Variants in FGB observed in about 807,000 individuals in gnomAD.
The protein encoded by FGB is beta-fibrinogen.
A neutral mutation model predicts 57.9 loss-of-function variants in FGB; 25 were observed. The ratio of observed to expected loss-of-function variants is 0.43; its 90% CI spans 0.31 to 0.60. The LOEUF (loss-of-function observed/expected upper bound fraction) is 0.60, where lower values mean the gene tolerates loss of function less well. Among genes scored for constraint, FGB ranks in the 20% least tolerant of loss-of-function variants. The pLI is 0.08. For missense variants in FGB, 536 were observed against 598.4 expected (o/e 0.90, Z 1.09); for synonymous variants, 203 against 199.2 (o/e 1.02, Z -0.16).
At chr4:154,567,553 CA>C in intron 3 of FGB, 39 bp from the exon 4 acceptor site, 1 of 1,313,492 alleles carries the variant, frequency 7.6e-7, no homozygotes, top group Non-Finnish European at 1.1e-6. Flanking sequence ...TTTTATGAGG[CA>C]AAAATGCTAA....
chr4:154,570,293 A>G (rs183048430), intron 7 of FGB, 126 bp from the exon 8 acceptor site: 1 of 743,760 alleles, frequency 1.3e-6, no homozygotes, highest in Non-Finnish European at 2.4e-6. Flanking sequence ...GTGTGACTCT[A>G]TGTATAGCAC....
chr4:154,569,944 A>G, intron 7 of FGB, 145 bp downstream of exon 7: 3 of 793,220 alleles, frequency 3.8e-6, no homozygotes, highest in South Asian at 3.2e-5. Flanking sequence ...ACTCGAAAGC[A>G]TTTCAACTAT....
rs530461300 is a variant in FGB at position 154,570,423 on chromosome 4, A to G, written c.1249A>G (p.Thr417Ala). 6.2e-7 allele frequency: 1 copy of G among 1,612,192 alleles called. No individual in the cohort carries two copies. The highest frequency in any genetic ancestry group is 1.7e-5 in the Admixed American group (1 of 60,008). ...TYDRDNDGWL[T>A]SDPRKQCSKE... ...GCCAAACACATTTTCTTTCAGGTTA[A>G]CATCAGATCCCAGAAAACAGTGTTC... The change falls in exon 8 of 8, where the codon ACA becomes GCA. Residue 417 changes from threonine to alanine, a missense_variant. Thr to Ala is a moderately conservative substitution (Grantham distance 58). This residue lies in a region of FGB where 177 missense variants were observed against 193.7 expected (regional missense o/e 0.91). Transcript: ENST00000302068.
In FGB at chr4:154,566,510, T is replaced by A; in HGVS notation, c.328T>A (p.Cys110Ser). ...TTAGGGGGTGTTGTGTCCTACAGGA[T>A]GTCAGTTGCAAGAGGCTTTGCTACA... ...PDLGVLCPTG[C>S]QLQEALLQQE... Residue 110 changes from cysteine to serine, a missense_variant, in exon 3 of 8, where the codon TGT becomes AGT. Around this residue, in one of 3 missense-constraint regions of FGB, gnomAD observed 354 missense variants for 383.4 expected, o/e 0.92. Transcript: ENST00000302068. 1.2e-6 allele frequency: 2 copies of A among 1,614,176 alleles called. No homozygotes were observed. The highest frequency in any genetic ancestry group is 1.7e-6 in the Non-Finnish European group (2 of 1,180,030).
In FGB at chr4:154,565,505, G is replaced by A. The variant is rs557232990; in HGVS notation, c.115-303G>A. 5.4e-4 allele frequency: 194 copies of A among 358,084 alleles called. 1 individual carries two copies. Among genetic ancestry groups the A allele is most frequent in the Admixed American group, 2.9e-3 (64 of 22,352 alleles). The allele number at this position is 358,084 out of a possible 1,614,324, so 22.2% of individuals were successfully genotyped here. A position where few individuals can be genotyped will look rare whatever the true frequency, so the allele number is the denominator to read the frequency against. ...GACAGTATAGATTCTTTACAATTTC[G>A]TAAGTTCCAATGTATGTTTTAGGAA... On this transcript the variant is annotated intron_variant, in intron 1 of 7. Coordinates refer to ENST00000302068, the MANE Select transcript of FGB (RefSeq NM_005141.5).
rs1489586276 is a variant in FGB at position 154,567,618 on chromosome 4, C to T, written c.516C>T (p.Tyr172=). 6.2e-7 allele frequency: 1 copy of T among 1,605,334 alleles called. No homozygotes were observed. The highest frequency in any genetic ancestry group is 8.5e-7 in the Non-Finnish European group (1 of 1,172,072). Residue 172 remains tyrosine, a synonymous_variant, in exon 4 of 8, where the codon TAC becomes TAT. Coordinates refer to ENST00000302068, the MANE Select transcript of FGB (RefSeq NM_005141.5). ...ATAATGAAAATGTAGTCAATGAGTA[C>T]TCCTCAGAACTGGAAAAGCACCAAT... ...VKDNENVVNE[Y]SSELEKHQLY... is the part of the protein sequence containing the mutation.
In FGB at chr4:154,569,228, C is replaced by G; in HGVS notation, c.879C>G (p.Gly293=). 2 of 1,613,984 alleles carry G rather than the reference C, an allele frequency of 1.2e-6. No individual in the cohort carries two copies. The highest frequency in any genetic ancestry group is 1.7e-6 in the Non-Finnish European group (2 of 1,179,950). The part of the protein sequence containing the change: ...QNRQDGSVDF[G]RKWDPYKQGF... ...GTCAAGACGGTAGTGTTGACTTTGG[C>G]AGGAAATGGGATCCATATAAACAGG... The change falls in exon 6 of 8, where the codon GGC becomes GGG. Residue 293 remains glycine, a synonymous_variant. Coordinates refer to ENST00000302068, the MANE Select transcript of FGB (RefSeq NM_005141.5).
chr4:154,568,275 A>G, intron 4 of FGB, 106 bp from the exon 5 acceptor site: 2 of 751,408 alleles, frequency 2.7e-6, no homozygotes, highest in Non-Finnish European at 4.9e-6. Context: ...GTCTATAATA[A>G]CACACTCCTT....
Position 154,572,532 on chromosome 4 carries a change from G to A in FGB, c.*1882G>A, listed in dbSNP as rs1730469880. ...AAGGCCTTGGTTCCTTGCACATCCT[G>A]AGTTCCAACGGACAGGCAGGGAGTT... On this transcript the variant is annotated 3_prime_UTR_variant, in exon 8 of 8. Coordinates refer to ENST00000302068, the MANE Select transcript of FGB (RefSeq NM_005141.5). Among the ~76,000 whole-genome samples, 1 of 152,162 alleles carries A rather than the reference G, an allele frequency of 6.6e-6. No individual in the cohort carries two copies. The highest frequency in any genetic ancestry group is 1.5e-5 in the Non-Finnish European group (1 of 68,034).
Position 154,569,300 on chromosome 4 carries a change from C to T in FGB, c.951C>T (p.Gly317=), listed in dbSNP as rs140191144. 15 of 1,613,858 alleles carry T rather than the reference C, an allele frequency of 9.3e-6. No homozygotes were observed. Among genetic ancestry groups the T allele is most frequent in the Non-Finnish European group, 1.2e-5 (14 of 1,179,990 alleles). Residue 317 remains glycine (G), a synonymous_variant, in exon 6 of 8, where the codon GGC becomes GGT. Transcript: ENST00000302068. ...ACACAGATGGGAAGAATTACTGTGG[C>T]CTACCAGGTAACGAACAGGCATGCA... ...ATNTDGKNYC[G]LPGEYWLGND...
rs1191773589 is a variant in FGB, at chr4:154,569,762, A to C, written c.1207A>C (p.Met403Leu). ...CAGGACCATGACCATTCACAACGGC[A>C]TGTTCTTCAGCACGTATGACAGAGA... ...ENRTMTIHNG[M>L]FFSTYDRDND... is the part of the protein sequence containing the mutation. Residue 403 changes from methionine (M) to leucine (L), a missense_variant, in exon 7 of 8, where the codon ATG becomes CTG. By Grantham distance (15) the Met-to-Leu change is conservative (BLOSUM62 2). Transcript: ENST00000302068. 1 of 1,614,190 alleles carries C rather than the reference A, an allele frequency of 6.2e-7. No individual in the cohort carries two copies. The highest frequency in any genetic ancestry group is 8.5e-7 in the Non-Finnish European group (1 of 1,180,040).
intron 5 of FGB, among the ~76,000 whole-genome samples, chr4:154,568,852 G>C (rs1273556722): frequency 7.1e-6 from 1 of 140,672 alleles, no homozygotes; most frequent in Non-Finnish European, 1.5e-5. Flanking sequence ...GTGAGATCCT[G>C]TCTCAAAAAA....
In FGB at chr4:154,571,023, G is replaced by C. The variant is rs2227420; in HGVS notation, c.*373G>C. On this transcript the variant is annotated 3_prime_UTR_variant, in exon 8 of 8. Coordinates refer to ENST00000302068, the MANE Select transcript of FGB (RefSeq NM_005141.5). ...CACTTTTAAAACTATATTTATTTAT[G>C]TAGGATCTGTCAAAGAAAACTTCCA... The C allele has an allele frequency of 1.9e-5, 6 of 308,878 alleles. No individual in the cohort carries two copies. Among genetic ancestry groups the C allele is most frequent in the Non-Finnish European group, 3.7e-5 (6 of 160,902 alleles). The allele number at this position is 308,878 out of a possible 1,614,324, so 19.1% of individuals were successfully genotyped here. A position where few individuals can be genotyped will look rare whatever the true frequency, so the allele number is the denominator to read the frequency against.
intron 1 of FGB, among the ~76,000 whole-genome samples, chr4:154,563,449 T>C (rs1262023725): frequency 6.6e-6 from 1 of 151,882 alleles, no homozygotes; most frequent in African/African-American, 2.4e-5. Flanking sequence ...AGGATTACAA[T>C]TAAGAGGACA....
chr4:154,566,124 GA>G lies in FGB; in HGVS notation c.306+128del, dbSNP rs1255185098. 132 of 905,398 alleles carry G rather than the reference GA, an allele frequency of 1.5e-4. 1 individual carries two copies. The South Asian group carries it at 2.1e-3, about 15-fold the overall frequency. The allele number at this position is 905,398 out of a possible 1,614,324, so 56.1% of individuals were successfully genotyped here. On this transcript the variant is annotated intron_variant, in intron 2 of 7. Transcript: ENST00000302068. ...ACTGTTATTTTGTTTGTTTATTTTG[GA>G]AATAAAATTCAAAACATAAACATAT...
rs1434447393 is a variant in FGB at position 154,571,222 on chromosome 4, G to C, written c.*572G>C. ...TTTGAAGATTTAAAATCTGACTCTA[G>C]GACGGGCACGGTGGCTCACGACTAT... On this transcript the variant is annotated 3_prime_UTR_variant, in exon 8 of 8. Coordinates refer to ENST00000302068, the MANE Select transcript of FGB (RefSeq NM_005141.5). 1 of 178,386 alleles carries C rather than the reference G, an allele frequency of 5.6e-6. No homozygotes were observed. The highest frequency in any genetic ancestry group is 2.4e-5 in the African/African-American group (1 of 41,534). 11.1% of individuals were successfully genotyped at this position (178,386 alleles called of 1,614,324 possible). A position where few individuals can be genotyped will look rare whatever the true frequency, so the allele number is the denominator to read the frequency against.
intron 1 of FGB, 41 bp downstream of exon 1, chr4:154,563,173 T>C: frequency 2.5e-6 from 2 of 811,782 alleles, no homozygotes; most frequent in Non-Finnish European, 2.0e-6. Context: ...AGTAGTATTA[T>C]TAATATAAGA....
At position 154,569,743 on chromosome 4, in the gene FGB, C is replaced by A; in HGVS notation, c.1188C>A (p.Thr396=). Residue 396 remains threonine, a synonymous_variant, in exon 7 of 8, where the codon ACC becomes ACA. Transcript: ENST00000302068. ...GASQLMGENR[T]MTIHNGMFFS... ...CTCAGCTGATGGGAGAAAACAGGAC[C>A]ATGACCATTCACAACGGCATGTTCT... 2 of 1,614,116 alleles carry A rather than the reference C, an allele frequency of 1.2e-6. No homozygotes were observed. Among genetic ancestry groups the A allele is most frequent in the South Asian group, 2.2e-5 (2 of 91,080 alleles).
intron 7 of FGB, 43 bp from the exon 8 acceptor site, chr4:154,570,376 C>T: frequency 6.7e-7 from 1 of 1,482,802 alleles, no homozygotes; most frequent in Non-Finnish European, 9.4e-7. Flanking sequence ...AACTTGACCA[C>T]CGTAGTTCTG....
Sources: allele counts gnomAD v4.1 joint callset (sites outside exome capture counted in the v4.1 genomes callset), GRCh38; gene constraint gnomAD v4.1.1; regional missense constraint gnomAD v4.1.1; transcripts MANE v1.5; gene names NCBI Gene and HGNC (gene_info 2026-07-23, HGNC 2026-07-21).